Variants in POU6F1 observed in about 807,000 individuals in gnomAD.
The protein encoded by POU6F1 is POU domain, class 6, transcription factor 1.
A neutral mutation model predicts 28.9 loss-of-function variants in POU6F1; 9 were observed. That is an observed-to-expected ratio of 0.31 (90% CI 0.19 to 0.54). POU6F1 has a LOEUF of 0.54. POU6F1 is among the 20% of genes least tolerant of loss of function. POU6F1 has a pLI of 0.94. For missense variants in POU6F1, 338 were observed against 426.1 expected (o/e 0.79, Z 1.82); for synonymous variants, 173 against 171.1 (o/e 1.01, Z -0.09).
intron 3 of POU6F1, among the ~76,000 whole-genome samples, chr12:51,201,186 C>G (rs1028860765): frequency 2.0e-5 from 3 of 152,288 alleles, no homozygotes; most frequent in African/African-American, 4.8e-5. Flanking sequence ...CCCTGCAGTA[C>G]TAGTCCATGT....
chr12:51,211,799 CA>C (rs1944002984), intron 1 of POU6F1, among the ~76,000 whole-genome samples: 1 of 152,106 alleles, frequency 6.6e-6, no homozygotes, highest in Admixed American at 6.6e-5. Flanking sequence ...CAAGCAGCCT[CA>C]GGGGTAGAAG....
At chr12:51,196,667 C>T in intron 7 of POU6F1, 132 bp downstream of exon 7, 1 of 1,141,940 alleles carries the variant, frequency 8.8e-7, no homozygotes. Flanking sequence ...CAGAAAGCCG[C>T]CGCAGAGGAG....
rs997380247 is a variant in POU6F1 at position 51,217,172 on chromosome 12, G to C, written c.-48+470C>G. ...AGAACCGTGACAGGTCACCCTGGCC[G>C]CCCCAGCTGGCCCTAACCGCCGGGA... On this transcript the variant is annotated intron_variant, in intron 1 of 10. Transcript: ENST00000333640. This position sits in a 1 kb window ranked among gnomAD's most constrained non-coding sequence, Gnocchi z 5.3. 1.3e-5 allele frequency among the ~76,000 whole-genome samples: 2 copies of C among 152,110 alleles called. No individual in the cohort carries two copies. Among genetic ancestry groups the C allele is most frequent in the African/African-American group, 4.8e-5 (2 of 41,430 alleles).
At chr12:51,206,962 A>G (rs1450659450) in intron 1 of POU6F1, 79 bp from the exon 2 acceptor site, 1 of 395,922 alleles carries the variant, frequency 2.5e-6, no homozygotes, top group Non-Finnish European at 4.5e-6. Context: ...AAAAGTCAGA[A>G]TAGAATCACA....
At chr12:51,214,604 G>A (rs193259057) in intron 1 of POU6F1, among the ~76,000 whole-genome samples, 46 of 152,222 alleles carry the variant, frequency 3.0e-4, no homozygotes, top group African/African-American at 1.1e-3. Context: ...GGCACACACA[G>A]GCCAGAGAAA....
intron 2 of POU6F1, among the ~76,000 whole-genome samples, chr12:51,205,190 C>G (rs1374723207): frequency 2.0e-5 from 3 of 152,042 alleles, no homozygotes; most frequent in African/African-American, 4.8e-5. Flanking sequence ...CAGGTGCCCA[C>G]CACCACGCCC....
At chr12:51,212,544 G>A (rs144953311) in intron 1 of POU6F1, among the ~76,000 whole-genome samples, 11,959 of 150,640 alleles carry the variant, frequency 0.079, 703 homozygotes, top group East Asian at 0.29. Flanking sequence ...ACTTTGGGAG[G>A]CTGAGGCGAG....
chr12:51,198,897 CGAAGGCCACATGAGGATGGG>C, intron 4 of POU6F1, 122 bp from the exon 5 acceptor site: 2 of 396,614 alleles, frequency 5.0e-6, no homozygotes, highest in Non-Finnish European at 8.9e-6. Context: ...GGCGATGGGC[CGAAGGCCACATGAGGATGGG>C]GAAGAGCCAA....
At chr12:51,209,610 G>T (rs1943856688) in intron 1 of POU6F1, among the ~76,000 whole-genome samples, 1 of 151,846 alleles carries the variant, frequency 6.6e-6, no homozygotes, top group Non-Finnish European at 1.5e-5. Context: ...AATTTTTTTT[G>T]AACACCTGCT....
At chr12:51,194,510 G>A (rs1163346455) in intron 8 of POU6F1, among the ~76,000 whole-genome samples, 2 of 151,900 alleles carry the variant, frequency 1.3e-5, no homozygotes, top group Non-Finnish European at 2.9e-5. Context: ...GTGTGGTGGT[G>A]CACACCTGTA....
intron 1 of POU6F1, among the ~76,000 whole-genome samples, chr12:51,208,687 CTG>C (rs1385697751): frequency 9.2e-5 from 14 of 152,294 alleles, no homozygotes; most frequent in African/African-American, 3.1e-4. Flanking sequence ...AGGCTCATGC[CTG>C]TAATCCCAGG....
At chr12:51,212,863 T>A (rs1944093125) in intron 1 of POU6F1, among the ~76,000 whole-genome samples, 2 of 151,114 alleles carry the variant, frequency 1.3e-5, no homozygotes, top group African/African-American at 4.9e-5. Flanking sequence ...ACAGTATGCT[T>A]AAGTTTCATG....
chr12:51,198,399 C>T (rs1942986635), intron 5 of POU6F1, among the ~76,000 whole-genome samples, 151 bp downstream of exon 5: 1 of 152,152 alleles, frequency 6.6e-6, no homozygotes, highest in Non-Finnish European at 1.5e-5. Flanking sequence ...TGCAGCAGCT[C>T]TGCGGCCGGA....
intron 5 of POU6F1, 142 bp from the exon 6 acceptor site, chr12:51,198,165 C>T (rs1942965058): frequency 2.5e-6 from 1 of 397,730 alleles, no homozygotes; most frequent in Non-Finnish European, 4.4e-6. Context: ...TTCCCTTGAT[C>T]CTTGAAGGGC....
intron 1 of POU6F1, among the ~76,000 whole-genome samples, chr12:51,212,385 C>A (rs568257921): frequency 6.6e-4 from 100 of 151,942 alleles, no homozygotes; most frequent in African/African-American, 2.3e-3. Context: ...AGCCACTGCG[C>A]CCAGCCAAAC....
chr12:51,192,378 T>A lies in POU6F1; in HGVS notation c.1273A>T (p.Ile425Phe). 2 of 1,614,076 alleles carry A rather than the reference T, an allele frequency of 1.2e-6. No homozygotes were observed. The highest frequency in any genetic ancestry group is 1.7e-6 in the Non-Finnish European group (2 of 1,179,994). ...PAAKPSASAP[I>F]PITCSETPTV... ...GGGGTCTCTGAGCAGGTAATTGGGATAGGAGCAGAGGCAGATGGCTTGGCG... is the reference window on the plus strand; with the variant it reads ...GGGGTCTCTGAGCAGGTAATTGGGAAAGGAGCAGAGGCAGATGGCTTGGCG... The change falls in exon 9 of 11, where the codon ATC (isoleucine) becomes TTC (phenylalanine). Residue 425 changes from isoleucine (I) to phenylalanine (F), a missense_variant. By Grantham distance (21) the Ile-to-Phe change is conservative. Coordinates refer to ENST00000333640, the MANE Select transcript of POU6F1 (RefSeq NM_001330422.2).
chr12:51,212,968 G>A (rs1944103548), intron 1 of POU6F1, among the ~76,000 whole-genome samples: 1 of 151,272 alleles, frequency 6.6e-6, no homozygotes, highest in East Asian at 1.9e-4. Flanking sequence ...GCGGAGTCTC[G>A]CTCTGTCACC....
In POU6F1 at chr12:51,190,909, CT is replaced by C. The variant is rs10718259; in HGVS notation, c.1491-318del. Among the ~76,000 whole-genome samples, 150,513 of 152,230 alleles carry C rather than the reference CT, an allele frequency of 0.99. 74,414 individuals carry two copies. Among genetic ancestry groups the C allele is most frequent in the East Asian group, 1 (5,166 of 5,166 alleles). On this transcript the variant is annotated intron_variant, in intron 10 of 10. Transcript: ENST00000333640. The surrounding 1 kb of genome is among the most constrained non-coding windows in gnomAD (Gnocchi z 4.5). ...AACGTTCCCCTAAATGAATGAAGTC[CT>C]TTTGAGGAGTCACCTTGGGAGGCCT...
intron 2 of POU6F1, among the ~76,000 whole-genome samples, chr12:51,205,242 G>A (rs1943507742): frequency 6.6e-6 from 1 of 151,738 alleles, no homozygotes; most frequent in South Asian, 2.1e-4. Flanking sequence ...GGGTTTCACT[G>A]TGTTGGCCAG....
Sources: allele counts gnomAD v4.1 joint callset (sites outside exome capture counted in the v4.1 genomes callset), GRCh38; gene constraint gnomAD v4.1.1; non-coding constraint Gnocchi (gnomAD v3.1); transcripts MANE v1.5; gene names NCBI Gene and HGNC (gene_info 2026-07-23, HGNC 2026-07-21).